Variants in ASAP2 observed in about 807,000 individuals in gnomAD.
The protein encoded by ASAP2 is ArfGAP with SH3 domain, ankyrin repeat and PH domain 2.
A neutral mutation model predicts 131.4 loss-of-function variants in ASAP2; 45 were observed. The ratio of observed to expected loss-of-function variants is 0.34; its 90% CI spans 0.27 to 0.44. ASAP2 has a LOEUF of 0.44. ASAP2 is among the 20% of genes least tolerant of loss of function. ASAP2 has a pLI of 1.00. For synonymous variants in ASAP2, 510 were observed against 503.0 expected, an observed-to-expected ratio of 1.01 and a Z score of -0.19; for missense variants, 1,011 against 1,297.0, an observed-to-expected ratio of 0.78 and a Z score of 3.39.
chr2:9,325,587 T>C (rs1670429051), intron 6 of ASAP2, among the ~76,000 whole-genome samples: 1 of 152,250 alleles, frequency 6.6e-6, no homozygotes, highest in Non-Finnish European at 1.5e-5. Context: ...AAGTAGTATG[T>C]GAAGGTCATA....
Position 9,403,310 on chromosome 2 carries a change from C to G in ASAP2, c.3004C>G (p.His1002Asp). ...AGGCGCATTCCCGGTGTCATTTGTG[C>G]ACTTTATCGCTGACTGAATTGCTAC... The part of the protein sequence containing the change: ...RKGAFPVSFV[H>D]FIAD Residue 1002 changes from histidine to aspartate, a missense_variant, in exon 28 of 28, where the codon CAC (histidine) becomes GAC (aspartate). Coordinates refer to ENST00000281419, the MANE Select transcript of ASAP2 (RefSeq NM_003887.3). 1.9e-6 allele frequency: 3 copies of G among 1,614,072 alleles called. No homozygotes were observed. The highest frequency in any genetic ancestry group is 2.5e-6 in the Non-Finnish European group (3 of 1,179,986).
chr2:9,303,901 C>T (rs185678981), intron 3 of ASAP2, among the ~76,000 whole-genome samples: 73 of 152,312 alleles, frequency 4.8e-4, no homozygotes, highest in African/African-American at 1.7e-3. Context: ...AGGCCTTGGG[C>T]GTGGGAGGGA....
chr2:9,374,726 AT>A, intron 16 of ASAP2, 28 bp from the exon 17 acceptor site: 1 of 1,564,520 alleles, frequency 6.4e-7, no homozygotes, highest in Non-Finnish European at 8.7e-7. Flanking sequence ...GCCCTTCATG[AT>A]TTGCAAGGCA....
Position 9,392,529 on chromosome 2 carries a change from C to T in ASAP2, c.2519-953C>T, listed in dbSNP as rs139473354. Among the ~76,000 whole-genome samples the T allele has an allele frequency of 6.6e-5, 10 of 152,266 alleles. No homozygotes were observed. The highest frequency in any genetic ancestry group is 1.2e-4 in the Non-Finnish European group (8 of 68,032). The stretch of plus-strand genomic sequence containing the variant: ...GGAGGGTCTTCAGAGGTTTCCAAGG[C>T]GAACACACCAAAGGCCAGAAGGAAC... On this transcript the variant is annotated intron_variant, in intron 23 of 27. Coordinates refer to ENST00000281419, the MANE Select transcript of ASAP2 (RefSeq NM_003887.3). This position sits in a 1 kb window ranked among gnomAD's most constrained non-coding sequence, Gnocchi z 4.0.
At chr2:9,312,821 G>T (rs1187652047) in intron 3 of ASAP2, among the ~76,000 whole-genome samples, 1 of 152,144 alleles carries the variant, frequency 6.6e-6, no homozygotes, top group Non-Finnish European at 1.5e-5. Context: ...GCGGCCACAT[G>T]TGGCTCCTTT....
At chr2:9,259,417 G>A (rs1390066129) in intron 1 of ASAP2, among the ~76,000 whole-genome samples, 1 of 152,160 alleles carries the variant, frequency 6.6e-6, no homozygotes, top group Non-Finnish European at 1.5e-5. Flanking sequence ...CCTGCGCCCT[G>A]CTCTCCTGCC....
chr2:9,381,105 C>A (rs948561451), intron 20 of ASAP2, among the ~76,000 whole-genome samples: 41 of 152,238 alleles, frequency 2.7e-4, no homozygotes, highest in African/African-American at 9.4e-4. Context: ...CCCGAGGCCA[C>A]CACAAGGGCC....
At chr2:9,381,098 G>A (rs1216380239) in intron 20 of ASAP2, among the ~76,000 whole-genome samples, 1 of 152,192 alleles carries the variant, frequency 6.6e-6, no homozygotes, top group Non-Finnish European at 1.5e-5. Context: ...ACAGAGGCCC[G>A]AGGCCACCAC....
chr2:9,245,968 A>C (rs1301778359), intron 1 of ASAP2, among the ~76,000 whole-genome samples: 1 of 152,188 alleles, frequency 6.6e-6, no homozygotes, highest in Non-Finnish European at 1.5e-5. Context: ...AAACCTTAAA[A>C]ACAAGCATAC....
chr2:9,327,954 T>G, intron 7 of ASAP2, 43 bp downstream of exon 7: 1 of 1,428,428 alleles, frequency 7.0e-7, no homozygotes, highest in Non-Finnish European at 9.5e-7. Flanking sequence ...TTTGTTCATG[T>G]GTGGCAACTT....
chr2:9,327,815 T>C lies in ASAP2; in HGVS notation c.601-11T>C. 6.3e-7 allele frequency: 1 copy of C among 1,579,762 alleles called. No individual in the cohort carries two copies. The highest frequency in any genetic ancestry group is 8.6e-7 in the Non-Finnish European group (1 of 1,164,532). Reference sequence around the variant, plus strand: ...TTACTTCCATGACATTTCCTTTTCATTGTTCAACAGTATCTGCTGAAGGTC... The same window carrying C: ...TTACTTCCATGACATTTCCTTTTCACTGTTCAACAGTATCTGCTGAAGGTC... On this transcript the variant is annotated splice_polypyrimidine_tract_variant and intron_variant, in intron 6 of 27. Transcript: ENST00000281419.
chr2:9,283,645 A>C (rs936342924), intron 2 of ASAP2, among the ~76,000 whole-genome samples: 17 of 152,188 alleles, frequency 1.1e-4, no homozygotes, highest in African/African-American at 3.6e-4. Flanking sequence ...CTATAACAAA[A>C]TACCATAGAT....
intron 17 of ASAP2, among the ~76,000 whole-genome samples, chr2:9,375,200 T>C (rs551044048): frequency 6.6e-6 from 1 of 151,202 alleles, no homozygotes; most frequent in African/African-American, 2.4e-5. Flanking sequence ...GAGGAATCGG[T>C]TGAGCCCAGA....
intron 1 of ASAP2, among the ~76,000 whole-genome samples, chr2:9,240,426 T>C (rs1181063937): frequency 6.6e-6 from 1 of 151,768 alleles, no homozygotes; most frequent in African/African-American, 2.4e-5. Flanking sequence ...GCTAATTTTT[T>C]GTAGAGATGG....
At chr2:9,337,122 G>C (rs1671256030) in intron 9 of ASAP2, among the ~76,000 whole-genome samples, 1 of 152,184 alleles carries the variant, frequency 6.6e-6, no homozygotes, top group South Asian at 2.1e-4. Flanking sequence ...TTGTTAACCA[G>C]CCCATCTGCC....
chr2:9,356,982 A>G (rs1440935112), intron 14 of ASAP2, among the ~76,000 whole-genome samples: 1 of 152,150 alleles, frequency 6.6e-6, no homozygotes, highest in African/African-American at 2.4e-5. Context: ...CGGGGACTAC[A>G]CAGGTGCATT....
chr2:9,275,222 C>T (rs1312888197), intron 1 of ASAP2, among the ~76,000 whole-genome samples: 1 of 151,962 alleles, frequency 6.6e-6, no homozygotes, highest in Non-Finnish European at 1.5e-5. Context: ...GGTGCATGTT[C>T]CCATGCCCGG....
Position 9,356,165 on chromosome 2 carries a change from T to C in ASAP2, c.1161-14T>C. On this transcript the variant is annotated splice_polypyrimidine_tract_variant and intron_variant, in intron 13 of 27. Coordinates refer to ENST00000281419, the MANE Select transcript of ASAP2 (RefSeq NM_003887.3). The stretch of plus-strand genomic sequence containing the variant: ...TTTGTGGAATTTAACACAGCGTTGC[T>C]CTTGTTTTTCTAGATGGATGTCTGT... 6.2e-7 allele frequency: 1 copy of C among 1,614,066 alleles called. No individual in the cohort carries two copies.
At chr2:9,337,096 T>C (rs768042136) in intron 9 of ASAP2, among the ~76,000 whole-genome samples, 2 of 152,222 alleles carry the variant, frequency 1.3e-5, no homozygotes, top group Admixed American at 6.5e-5. Flanking sequence ...AGAAGTTCTT[T>C]ATAGTTTGTT....
Sources: gnomAD v4.1 joint callset for allele counts (sites outside exome capture counted in the v4.1 genomes callset) on GRCh38, gnomAD v4.1.1 for gene constraint, Gnocchi (gnomAD v3.1) non-coding constraint, MANE v1.5 for transcripts, NCBI Gene and HGNC (gene_info 2026-07-23, HGNC 2026-07-21) for gene names.